Variants in MYRFL observed in about 807,000 individuals in gnomAD.
The protein encoded by MYRFL is myelin regulatory factor like.
Under a neutral mutation model 109.4 loss-of-function variants are expected in MYRFL, and 88 were observed. The ratio of observed to expected loss-of-function variants is 0.80; its 90% CI spans 0.68 to 0.96. The LOEUF (loss-of-function observed/expected upper bound fraction) is 0.96, where lower values mean the gene tolerates loss of function less well. MYRFL is among the 40% of genes least tolerant of loss of function. The pLI is 0.00. For missense variants in MYRFL, 957 were observed against 954.9 expected, an observed-to-expected ratio of 1.00 and a Z score of -0.03; for synonymous variants, 324 against 320.9, an observed-to-expected ratio of 1.01 and a Z score of -0.10.
chr12:69,885,968 A>G (rs1023078982), intron 5 of MYRFL, among the ~76,000 whole-genome samples: 1 of 152,176 alleles, frequency 6.6e-6, no homozygotes, highest in Non-Finnish European at 1.5e-5. Flanking sequence ...CTCCAAGTGA[A>G]TAAATAACTG....
rs761171096 is a variant in MYRFL at position 69,957,862 on chromosome 12, C to A, written c.2491C>A (p.Leu831Ile). Reference sequence around the variant, plus strand: ...GATAGTCTTCCAGTGCAAATTCACCCTTGGAAATATATGTTTCCATAGTAA... The same window carrying A: ...GATAGTCTTCCAGTGCAAATTCACCATTGGAAATATATGTTTCCATAGTAA... Reference protein sequence around the residue: ...PLIVFQCKFTLGNICFHSKRG... With the variant: ...PLIVFQCKFTIGNICFHSKRG... The change falls in exon 23 of 25, where the codon CTT becomes ATT. Residue 831 changes from leucine (L) to isoleucine (I), a missense_variant. Transcript: ENST00000552032. 11 of 1,534,886 alleles carry A rather than the reference C, an allele frequency of 7.2e-6. No homozygotes were observed. The highest frequency in any genetic ancestry group is 2.0e-5 in the Admixed American group (1 of 50,984).
At chr12:69,955,770 A>G (rs1442139547) in intron 22 of MYRFL, among the ~76,000 whole-genome samples, 1 of 151,942 alleles carries the variant, frequency 6.6e-6, no homozygotes, top group Admixed American at 6.6e-5. Context: ...GAGTAATAAC[A>G]TGCCCCCCGA....
At chr12:69,863,404 A>G (rs914261243) in intron 2 of MYRFL, among the ~76,000 whole-genome samples, 5 of 152,120 alleles carry the variant, frequency 3.3e-5, no homozygotes, top group Admixed American at 2.0e-4. Context: ...TTGGTAAGCT[A>G]TTGATTATTG....
chr12:69,905,471 G>A (rs1954324873), intron 11 of MYRFL, among the ~76,000 whole-genome samples: 1 of 152,164 alleles, frequency 6.6e-6, no homozygotes, highest in Admixed American at 6.6e-5. Context: ...ATGGCAGCAT[G>A]ATAGAATAAA....
intron 1 of MYRFL, among the ~76,000 whole-genome samples, chr12:69,846,811 C>G (rs1192911209): frequency 6.6e-6 from 1 of 151,732 alleles, no homozygotes; most frequent in African/African-American, 2.4e-5. Context: ...TACAGTCCCA[C>G]CAACAGTGTA....
At position 69,936,466 on chromosome 12, in the gene MYRFL, C is replaced by G; in HGVS notation, c.2058C>G (p.Ser686=). 1 of 1,535,346 alleles carries G rather than the reference C, an allele frequency of 6.5e-7. No homozygotes were observed. Residue 686 remains serine (S), a synonymous_variant, in exon 19 of 25, where the codon TCC becomes TCG. Transcript: ENST00000552032. ...PTASSSAPNT[S]LVTTPASLQV... ...AATGCCTTGCAGCACCTAATACATCCCTGGTAACCACACCGGCCTCCTTAC... is the reference window on the plus strand; with the variant it reads ...AATGCCTTGCAGCACCTAATACATCGCTGGTAACCACACCGGCCTCCTTAC...
rs1364806661 is a variant in MYRFL, at chr12:69,936,324, C to A, written c.2033C>A (p.Ala678Asp). ...SSQEPALLPTASSSAPNTSLV... is the reference protein window; with the variant it reads ...SSQEPALLPTDSSSAPNTSLV... ...CAGGAGCCAGCTCTGCTGCCCACAG[C>A]CTCCTCCTCAGGTAAAGGCTTCACA... The change falls in exon 18 of 25, where the codon GCC becomes GAC. Residue 678 changes from alanine to aspartate, a missense_variant. Transcript: ENST00000552032. 1 of 1,535,840 alleles carries A rather than the reference C, an allele frequency of 6.5e-7. No homozygotes were observed.
rs531009707 is a variant in MYRFL, at chr12:69,825,550, G to A, written c.33G>A (p.Gln11=). 5.3e-5 allele frequency: 37 copies of A among 701,966 alleles called. No individual in the cohort carries two copies. The East Asian group carries it at 7.8e-4, about 15-fold the overall frequency. 43.5% of individuals were successfully genotyped at this position (701,966 alleles called of 1,614,324 possible). A position where few individuals can be genotyped will look rare whatever the true frequency, so the allele number is the denominator to read the frequency against. MDVVGENEAL[Q]QFFEAQGANG... is the part of the protein sequence containing the mutation. ...TGGTAGGCGAAAATGAGGCCCTGCAGCAGTTCTTTGAAGGTAAGAGGCCAA... is the reference window on the plus strand; with the variant it reads ...TGGTAGGCGAAAATGAGGCCCTGCAACAGTTCTTTGAAGGTAAGAGGCCAA... The change falls in exon 1 of 25, where the codon CAG becomes CAA. Residue 11 remains glutamine (Q), a synonymous_variant. Coordinates refer to ENST00000552032, the MANE Select transcript of MYRFL (RefSeq NM_182530.3).
chr12:69,875,473 G>T (rs77511986), intron 2 of MYRFL, among the ~76,000 whole-genome samples: 5,211 of 152,114 alleles, frequency 0.034, 112 homozygotes, highest in Non-Finnish European at 0.05. Context: ...TCATTTCTGG[G>T]TTAGTGTTCA....
At chr12:69,932,340 A>G (rs934097841) in intron 15 of MYRFL, among the ~76,000 whole-genome samples, 173 bp from the exon 16 acceptor site, 1 of 152,186 alleles carries the variant, frequency 6.6e-6, no homozygotes, top group Non-Finnish European at 1.5e-5. Flanking sequence ...ATAGACTTTG[A>G]AAGAATGTTG....
intron 16 of MYRFL, among the ~76,000 whole-genome samples, chr12:69,933,210 G>A (rs896755991): frequency 2.6e-5 from 4 of 152,166 alleles, no homozygotes; most frequent in East Asian, 1.9e-4. Context: ...TCTGCAGCCC[G>A]CAAAGGCGGG....
chr12:69,946,325 A>AGTT, intron 19 of MYRFL, among the ~76,000 whole-genome samples: 1 of 152,270 alleles, frequency 6.6e-6, no homozygotes, highest in Non-Finnish European at 1.5e-5. Flanking sequence ...ACACTGGGAA[A>AGTT]GTTGTTATCT....
chr12:69,876,689 T>C (rs1222672146), intron 2 of MYRFL, among the ~76,000 whole-genome samples: 2 of 152,242 alleles, frequency 1.3e-5, no homozygotes, highest in Non-Finnish European at 2.9e-5. Flanking sequence ...CCTTGGTAAC[T>C]TGAAAATACT....
In MYRFL at chr12:69,915,553, G is replaced by A. The variant is rs115536299; in HGVS notation, c.1602+4623G>A. Among the ~76,000 whole-genome samples, 500 of 152,274 alleles carry A rather than the reference G, an allele frequency of 3.3e-3. 3 individuals are homozygous for A. Among genetic ancestry groups the A allele is most frequent in the Middle Eastern group, 0.014 (4 of 294 alleles). ...ATGCAAGCAACCAAAGGGGGTGATC[G>A]TTGTCAAAGTTGGTACAAGCAGCTT... is the stretch of plus-strand genomic sequence containing the variant. On this transcript the variant is annotated intron_variant, in intron 13 of 24. Coordinates refer to ENST00000552032, the MANE Select transcript of MYRFL (RefSeq NM_182530.3).
intron 9 of MYRFL, 47 bp downstream of exon 9, chr12:69,895,528 T>G (rs1411456276): frequency 1.3e-5 from 20 of 1,493,730 alleles, no homozygotes; most frequent in Non-Finnish European, 1.4e-5. Context: ...GTACTTTATC[T>G]GGCCAGGAAG....
chr12:69,944,534 T>C (rs1473504103), intron 19 of MYRFL, among the ~76,000 whole-genome samples: 1 of 79,356 alleles, frequency 1.3e-5, no homozygotes, highest in Non-Finnish European at 2.5e-5. Context: ...AGGACTGTTG[T>C]GGGGTTGGGG....
At chr12:69,875,201 T>C (rs1052884992) in intron 2 of MYRFL, among the ~76,000 whole-genome samples, 16 of 151,692 alleles carry the variant, frequency 1.1e-4, no homozygotes, top group African/African-American at 3.9e-4. Context: ...AAGTTCATTT[T>C]TTTCCTCTCT....
At chr12:69,891,226 A>T (rs1388958188) in intron 7 of MYRFL, 60 bp downstream of exon 7, 4 of 1,235,036 alleles carry the variant, frequency 3.2e-6, no homozygotes, top group Non-Finnish European at 4.3e-6. Context: ...TCAGTTGTCT[A>T]TTGCTGCATG....
rs1279998726 is a variant in MYRFL at position 69,924,929 on chromosome 12, C to T, written c.1603-1642C>T. 2.6e-5 allele frequency among the ~76,000 whole-genome samples: 4 copies of T among 152,176 alleles called. No homozygotes were observed. The East Asian group carries it at 7.7e-4, about 29-fold the overall frequency. The stretch of plus-strand genomic sequence containing the variant: ...ACTTTTCAATTCACTTGTGTCCATT[C>T]TTACTGAGCATTTCCAGTGGGCAAA... On this transcript the variant is annotated intron_variant, in intron 13 of 24. Transcript: ENST00000552032.
Sources: gnomAD v4.1 joint callset for allele counts (sites outside exome capture counted in the v4.1 genomes callset) on GRCh38, gnomAD v4.1.1 for gene constraint, MANE v1.5 for transcripts, NCBI Gene and HGNC (gene_info 2026-07-23, HGNC 2026-07-21) for gene names.